The following USP42 variants were observed in gnomAD, a reference collection of about 807,000 sequenced individuals.
The protein encoded by USP42 is ubiquitin specific peptidase 42, also known as ubiquitin carboxyl-terminal hydrolase 42.
A neutral mutation model predicts 113.0 loss-of-function variants in USP42; 23 were observed. The observed-to-expected ratio is 0.20, with a 90% CI of 0.15 to 0.29. The LOEUF is 0.29. Among genes scored for constraint, USP42 ranks in the 10% least tolerant of loss-of-function variants. The pLI, the probability that USP42 is intolerant of heterozygous loss-of-function variation, is 1.00. For missense variants in USP42, 2,174 were observed against 1,779.8 expected (o/e 1.22, Z -3.99); for synonymous variants, 933 against 699.0 (o/e 1.33, Z -5.28).
upstream of USP42, among the ~76,000 whole-genome samples, chr7:6,103,812 G>C (rs1779095865): frequency 6.6e-6 from 1 of 150,574 alleles, no homozygotes; most frequent in Non-Finnish European, 1.5e-5. Context: ...CCAACACTTT[G>C]GGAAGCCACG....
chr7:6,156,621 G>A (rs1363246579), intron 15 of USP42, 133 bp from the exon 16 acceptor site: 4 of 1,361,286 alleles, frequency 2.9e-6, no homozygotes, highest in Non-Finnish European at 1.9e-6. Context: ...GGCCTACGTG[G>A]CTAATTAGAT....
chr7:6,100,433 G>A (rs746105646), upstream of USP42, among the ~76,000 whole-genome samples: 14 of 150,782 alleles, frequency 9.3e-5, no homozygotes, highest in East Asian at 1.7e-3. Flanking sequence ...GGGTTCAAGC[G>A]ATTCTCTTGC....
At chr7:6,097,496 T>A in the USP42 span, among the ~76,000 whole-genome samples, 1 of 149,688 alleles carries the variant, frequency 6.7e-6, no homozygotes, top group Middle Eastern at 3.2e-3. Flanking sequence ...AGCCTCCAAT[T>A]CCTGGCCTCA....
intron 3 of USP42, among the ~76,000 whole-genome samples, chr7:6,120,302 C>T (rs1780147720): frequency 6.6e-6 from 1 of 152,052 alleles, no homozygotes; most frequent in East Asian, 1.9e-4. Flanking sequence ...GAGTGCAGTG[C>T]CACTATCTCC....
chr7:6,155,527 C>G (rs530792867), intron 15 of USP42, among the ~76,000 whole-genome samples: 17 of 152,224 alleles, frequency 1.1e-4, no homozygotes, highest in African/African-American at 3.9e-4. Context: ...AATTGGGAGT[C>G]TTTGACCTTA....
At chr7:6,134,080 AC>A (rs1781000048) in intron 3 of USP42, among the ~76,000 whole-genome samples, 2 of 151,630 alleles carry the variant, frequency 1.3e-5, no homozygotes, top group Non-Finnish European at 2.9e-5. Context: ...TTTAGTAGAG[AC>A]GGGGTTTCAC....
intron 3 of USP42, among the ~76,000 whole-genome samples, chr7:6,120,703 C>T (rs1045523002): frequency 1.3e-5 from 2 of 152,146 alleles, no homozygotes; most frequent in African/African-American, 4.8e-5. Flanking sequence ...TCTGCTTCAG[C>T]CTCATGGGTA....
intron 1 of USP42, among the ~76,000 whole-genome samples, chr7:6,106,642 G>C (rs1180358726): frequency 1.3e-5 from 2 of 152,132 alleles, no homozygotes; most frequent in African/African-American, 2.4e-5. Flanking sequence ...GTAGCTCACT[G>C]TAGCCTCAAT....
At chr7:6,107,102 T>C (rs1308328299) in intron 1 of USP42, among the ~76,000 whole-genome samples, 1 of 152,230 alleles carries the variant, frequency 6.6e-6, no homozygotes, top group African/African-American at 2.4e-5. Context: ...ATTGGCTGAA[T>C]ATACAAATGA....
rs989431331 is a variant in USP42, at chr7:6,157,474, T to C, written c.3943+419T>C. The C allele has an allele frequency of 2.6e-6, 2 of 761,408 alleles. No homozygotes were observed. Among genetic ancestry groups the C allele is most frequent in the African/African-American group, 3.8e-5 (2 of 52,700 alleles). 47.2% of individuals were successfully genotyped at this position (761,408 alleles called of 1,614,324 possible). On this transcript the variant is annotated intron_variant, in intron 16 of 17. Transcript: ENST00000306177. This position sits in a 1 kb window ranked among gnomAD's most constrained non-coding sequence, Gnocchi z 4.1. ...TGCAGTGGCGGCGATCTCAGCTCAC[T>C]GCAACCTCTGCCTCCCAGGTTCATG...
chr7:6,090,769 TATATATAAC>T, the USP42 span, among the ~76,000 whole-genome samples: 2 of 145,690 alleles, frequency 1.4e-5, no homozygotes, highest in Admixed American at 6.9e-5. Flanking sequence ...ATATATATTA[TATATATAAC>T]ATATATAACA....
chr7:6,144,270 A>T (rs1420577275), intron 9 of USP42, 74 bp downstream of exon 9: 7 of 990,164 alleles, frequency 7.1e-6, no homozygotes, highest in Non-Finnish European at 1.0e-5. Flanking sequence ...GCTATTAAGG[A>T]TTAAGGACTC....
intron 3 of USP42, among the ~76,000 whole-genome samples, chr7:6,134,521 G>C (rs1054330362): frequency 1.3e-5 from 2 of 152,162 alleles, no homozygotes; most frequent in Non-Finnish European, 2.9e-5. Flanking sequence ...AGGTGCGTCT[G>C]GGTAGCCTTT....
At chr7:6,130,536 T>C (rs1011665273) in intron 3 of USP42, among the ~76,000 whole-genome samples, 1 of 152,080 alleles carries the variant, frequency 6.6e-6, no homozygotes, top group Non-Finnish European at 1.5e-5. Context: ...CAACGTGGGG[T>C]GGGACAGGGT....
rs754800508 is a variant in USP42 at position 6,150,524 on chromosome 7, C to T, written c.2201+18C>T. The T allele has an allele frequency of 2.2e-5, 35 of 1,608,700 alleles. No individual in the cohort carries two copies. The East Asian group carries it at 6.9e-4, about 32-fold the overall frequency. ...GAAATGAGGTAACGTAAGAGTACAT[C>T]TGAGGCACGTGTGGCAGCATAGTAG... On this transcript the variant is annotated intron_variant, in intron 14 of 17. Transcript: ENST00000306177.
chr7:6,108,133 G>A (rs1277749581), intron 1 of USP42, among the ~76,000 whole-genome samples: 1 of 152,194 alleles, frequency 6.6e-6, no homozygotes, highest in African/African-American at 2.4e-5. Context: ...GTTGCAGTGA[G>A]CTGTGACAGC....
intron 3 of USP42, among the ~76,000 whole-genome samples, chr7:6,119,434 A>G (rs1780091845): frequency 6.6e-6 from 1 of 152,152 alleles, no homozygotes; most frequent in African/African-American, 2.4e-5. Context: ...TTGTGCAGGT[A>G]CGCTGCAGCC....
At chr7:6,123,620 G>T (rs896375794) in intron 3 of USP42, among the ~76,000 whole-genome samples, 2 of 151,860 alleles carry the variant, frequency 1.3e-5, no homozygotes, top group South Asian at 2.1e-4. Context: ...CCGAGATCGC[G>T]CCACTGCACT....
intron 3 of USP42, 66 bp downstream of exon 3, chr7:6,115,589 A>G (rs991152205): frequency 6.5e-7 from 1 of 1,546,068 alleles, no homozygotes; most frequent in Non-Finnish European, 8.9e-7. Flanking sequence ...TTTCCTCTGA[A>G]ATGAAAGTGA....
Sources: allele counts gnomAD v4.1 joint callset (sites outside exome capture counted in the v4.1 genomes callset), GRCh38; gene constraint gnomAD v4.1.1; non-coding constraint Gnocchi (gnomAD v3.1); transcripts MANE v1.5; gene names NCBI Gene and HGNC (gene_info 2026-07-23, HGNC 2026-07-21).